Variants in DPH6 observed in about 807,000 individuals in gnomAD.
The protein encoded by DPH6 is diphthamine biosynthesis 6.
In DPH6, 33 loss-of-function variants were observed where a neutral mutation model predicts 38.2. The observed-to-expected ratio is 0.86, with a 90% CI of 0.65 to 1.15. DPH6 has a LOEUF of 1.15. Ranked by LOEUF, DPH6 falls within the 50% of genes most tolerant of loss-of-function variation. The pLI is 0.00. For missense variants in DPH6, 325 were observed against 320.0 expected, an observed-to-expected ratio of 1.02 and a Z score of -0.12; for synonymous variants, 108 against 103.0, an observed-to-expected ratio of 1.05 and a Z score of -0.30.
At chr15:35,183,065 T>TTGA in the DPH6 span, among the ~76,000 whole-genome samples, 1 of 152,238 alleles carries the variant, frequency 6.6e-6, no homozygotes, top group African/African-American at 2.4e-5. Context: ...TGCCCTTGAA[T>TTGA]TGATATTAAG....
chr15:35,337,608 A>C (rs560743167), intron 3 of DPH6, among the ~76,000 whole-genome samples: 1 of 152,346 alleles, frequency 6.6e-6, no homozygotes, highest in Non-Finnish European at 1.5e-5. Flanking sequence ...TATACTGCCC[A>C]AGGTAATTTA....
At chr15:35,411,567 A>G (rs549045071) in intron 5 of DPH6, among the ~76,000 whole-genome samples, 1 of 151,844 alleles carries the variant, frequency 6.6e-6, no homozygotes, top group East Asian at 1.9e-4. Flanking sequence ...TATATAGGTA[A>G]TGGGGTGTGG....
At chr15:35,497,949 C>A (rs929558728) in intron 3 of DPH6, among the ~76,000 whole-genome samples, 2 of 152,100 alleles carry the variant, frequency 1.3e-5, no homozygotes, top group African/African-American at 2.4e-5. Flanking sequence ...TTAAAATAGT[C>A]GGTTATTGTT....
At chr15:35,323,792 A>G (rs183643723) in intron 3 of DPH6, among the ~76,000 whole-genome samples, 7 of 152,322 alleles carry the variant, frequency 4.6e-5, no homozygotes, top group African/African-American at 1.4e-4. Context: ...ATATTTGCTA[A>G]GCATCAGTAC....
intron 3 of DPH6, among the ~76,000 whole-genome samples, chr15:35,235,013 T>G (rs1178632508): frequency 6.6e-6 from 1 of 152,218 alleles, no homozygotes; most frequent in East Asian, 1.9e-4. Flanking sequence ...TTAACTGATA[T>G]CAAGGAAAAC....
intron 3 of DPH6, chr15:35,520,537 T>A: frequency 6.1e-6 from 6 of 984,402 alleles, no homozygotes; most frequent in Non-Finnish European, 7.2e-6. Context: ...CAAAGGTACT[T>A]TCAGTACATA....
the DPH6 span, among the ~76,000 whole-genome samples, chr15:35,177,067 G>C: frequency 1.3e-5 from 2 of 152,130 alleles, no homozygotes; most frequent in Admixed American, 1.3e-4. Flanking sequence ...CACTAAACTA[G>C]GAAATAAATA....
chr15:35,497,301 T>A lies in DPH6; in HGVS notation c.312+40973A>T, dbSNP rs1365564558. 2.0e-5 allele frequency among the ~76,000 whole-genome samples: 3 copies of A among 152,274 alleles called. No homozygotes were observed. The East Asian group carries it at 5.8e-4, about 29-fold the overall frequency. On this transcript the variant is annotated intron_variant, in intron 3 of 8. Coordinates refer to ENST00000256538, the MANE Select transcript of DPH6 (RefSeq NM_080650.4). ...TTGTTAAATAAATTAATATGAGAAA[T>A]GGGTATTAGTGAACTTATTTTTAAA...
At chr15:35,319,404 T>C (rs1282131961) in intron 3 of DPH6, among the ~76,000 whole-genome samples, 8 of 152,116 alleles carry the variant, frequency 5.3e-5, no homozygotes, top group African/African-American at 1.9e-4. Flanking sequence ...CTCATCCCTT[T>C]CCAAATTGTC....
At chr15:35,484,989 T>C (rs2054377644) in intron 3 of DPH6, among the ~76,000 whole-genome samples, 1 of 152,162 alleles carries the variant, frequency 6.6e-6, no homozygotes, top group Non-Finnish European at 1.5e-5. Flanking sequence ...ATAATAAAAA[T>C]GTCACTAAAT....
chr15:35,145,925 T>C, the DPH6 span, among the ~76,000 whole-genome samples: 1 of 152,232 alleles, frequency 6.6e-6, no homozygotes, highest in African/African-American at 2.4e-5. Flanking sequence ...ACAAATAGTA[T>C]ATGAAACATT....
the DPH6 span, among the ~76,000 whole-genome samples, chr15:35,197,866 C>T: frequency 6.6e-6 from 1 of 152,094 alleles, no homozygotes; most frequent in East Asian, 1.9e-4. Context: ...GTTATTAAGT[C>T]CCTAGGAATA....
At chr15:35,156,692 T>C in the DPH6 span, among the ~76,000 whole-genome samples, 1 of 152,178 alleles carries the variant, frequency 6.6e-6, no homozygotes, top group Non-Finnish European at 1.5e-5. Flanking sequence ...TCTGTCTTGA[T>C]CTGATTATTC....
At chr15:35,291,806 CAGGT>C (rs1183974536) in intron 3 of DPH6, among the ~76,000 whole-genome samples, 3 of 152,048 alleles carry the variant, frequency 2.0e-5, no homozygotes, top group Non-Finnish European at 4.4e-5. Context: ...ATTATATTGT[CAGGT>C]AGGTATTTTC....
intron 3 of DPH6, among the ~76,000 whole-genome samples, chr15:35,471,694 C>G (rs2054200321): frequency 6.6e-6 from 1 of 152,186 alleles, no homozygotes; most frequent in African/African-American, 2.4e-5. Flanking sequence ...CAATTTCCAC[C>G]TACTGTAATC....
chr15:35,224,125 G>A (rs1446512273), intron 3 of DPH6, among the ~76,000 whole-genome samples: 3 of 20,074 alleles, frequency 1.5e-4, no homozygotes, highest in Non-Finnish European at 3.4e-4. Flanking sequence ...TTTTTTTTTT[G>A]AGACCAAGTG....
At chr15:35,436,106 C>T (rs879311073) in intron 5 of DPH6, among the ~76,000 whole-genome samples, 4 of 152,002 alleles carry the variant, frequency 2.6e-5, no homozygotes, top group Admixed American at 2.0e-4. Flanking sequence ...CAGCATACCT[C>T]GCGACACCTC....
At chr15:35,232,423 T>C (rs1185440340) in intron 3 of DPH6, among the ~76,000 whole-genome samples, 1 of 151,906 alleles carries the variant, frequency 6.6e-6, no homozygotes, top group Admixed American at 6.6e-5. Flanking sequence ...CCACTAAAAA[T>C]ACAAAATATA....
chr15:35,289,877 G>C (rs1460827300), intron 3 of DPH6, among the ~76,000 whole-genome samples: 4 of 152,158 alleles, frequency 2.6e-5, no homozygotes, highest in Non-Finnish European at 5.9e-5. Context: ...TAAATGTTAA[G>C]ACTAAAATAC....
Sources: gnomAD v4.1 joint callset for allele counts (sites outside exome capture counted in the v4.1 genomes callset) on GRCh38, gnomAD v4.1.1 for gene constraint, MANE v1.5 for transcripts, NCBI Gene and HGNC (gene_info 2026-07-23, HGNC 2026-07-21) for gene names.